DCAF7: variants seen among roughly 807,000 people sequenced by gnomAD.
DCAF7 encodes DDB1 and CUL4 associated factor 7.
In DCAF7, 4 loss-of-function variants were observed where a neutral mutation model predicts 41.2. The observed-to-expected ratio is 0.10, with a 90% CI of 0.05 to 0.22. The LOEUF (loss-of-function observed/expected upper bound fraction) is 0.22. Ranked by LOEUF, DCAF7 falls within the 10% of genes least tolerant of loss-of-function variation. DCAF7 has a pLI of 1.00. For missense variants in DCAF7, 131 were observed against 443.2 expected (o/e 0.30, Z 6.32); for synonymous variants, 143 against 164.2 (o/e 0.87, Z 0.99).
intron 4 of DCAF7, among the ~76,000 whole-genome samples, chr17:63,581,275 G>A (rs1230298498): frequency 6.6e-6 from 1 of 152,202 alleles, no homozygotes; most frequent in Non-Finnish European, 1.5e-5. Context: ...GCTGTTGTCT[G>A]TTAGGTCCAA....
intron 1 of DCAF7, among the ~76,000 whole-genome samples, chr17:63,551,698 C>G (rs1048390398): frequency 6.6e-6 from 1 of 151,798 alleles, no homozygotes; most frequent in Non-Finnish European, 1.5e-5. Flanking sequence ...AAAGCTGTGG[C>G]TAGTGATATT....
chr17:63,555,348 A>C (rs1019874224), intron 1 of DCAF7, among the ~76,000 whole-genome samples: 1 of 152,154 alleles, frequency 6.6e-6, no homozygotes, highest in Non-Finnish European at 1.5e-5. Flanking sequence ...TTTTTGGAGA[A>C]TCCTAGTAGT....
chr17:63,581,012 G>A (rs1164492911), intron 4 of DCAF7, among the ~76,000 whole-genome samples: 2 of 152,122 alleles, frequency 1.3e-5, no homozygotes, highest in Non-Finnish European at 2.9e-5. Flanking sequence ...CTTGATCTTA[G>A]GTCAGAAACT....
chr17:63,582,449 T>TCTCTTCGTCC (rs1310232111), intron 4 of DCAF7, among the ~76,000 whole-genome samples: 10 of 151,922 alleles, frequency 6.6e-5, no homozygotes, highest in Admixed American at 5.2e-4. Flanking sequence ...TCTCTGGCTC[T>TCTCTTCGTCC]CTCTTCGTCC....
Position 63,589,254 on chromosome 17 carries a change from T to G in DCAF7, c.*82T>G. ...ACCCCCAAAGTAAGAAGAAACATGTTTCCAGTGGCCAGTATGTCTTTCATT... is the reference window on the plus strand; with the variant it reads ...ACCCCCAAAGTAAGAAGAAACATGTGTCCAGTGGCCAGTATGTCTTTCATT... On this transcript the variant is annotated 3_prime_UTR_variant, in exon 7 of 7. Coordinates refer to ENST00000614556, the MANE Select transcript of DCAF7 (RefSeq NM_005828.5). 1 of 1,557,122 alleles carries G rather than the reference T, an allele frequency of 6.4e-7. No individual in the cohort carries two copies. Among genetic ancestry groups the G allele is most frequent in the Non-Finnish European group, 8.8e-7 (1 of 1,140,104 alleles).
At position 63,589,279 on chromosome 17, in the gene DCAF7, T is replaced by G. The variant is rs922952271; in HGVS notation, c.*107T>G. On this transcript the variant is annotated 3_prime_UTR_variant, in exon 7 of 7. Coordinates refer to ENST00000614556, the MANE Select transcript of DCAF7 (RefSeq NM_005828.5). ...TTCCAGTGGCCAGTATGTCTTTCAT[T>G]GCTTTGCACCCACTGTTACCAGAAG... is the stretch of plus-strand genomic sequence containing the variant. The G allele has an allele frequency of 1.3e-5, 19 of 1,444,036 alleles. No homozygotes were observed. Among genetic ancestry groups the G allele is most frequent in the Non-Finnish European group, 1.8e-5 (19 of 1,047,638 alleles). The allele number at this position is 1,444,036 out of a possible 1,614,324, so 89.5% of individuals were successfully genotyped here. A position where few individuals can be genotyped will look rare whatever the true frequency, so the allele number is the denominator to read the frequency against.
chr17:63,568,221 G>A (rs1028310900), intron 1 of DCAF7, among the ~76,000 whole-genome samples: 3 of 151,848 alleles, frequency 2.0e-5, no homozygotes, highest in South Asian at 4.2e-4. Context: ...GGCTGGCCTC[G>A]AACTCCTGAC....
intron 1 of DCAF7, among the ~76,000 whole-genome samples, chr17:63,559,399 GTATATA>G (rs10637228): frequency 5.7e-5 from 5 of 88,100 alleles, no homozygotes; most frequent in Admixed American, 1.3e-4. Context: ...ATATATATAT[GTATATA>G]TATGTATATA....
intron 1 of DCAF7, among the ~76,000 whole-genome samples, chr17:63,558,003 G>A (rs1007799691): frequency 6.6e-6 from 1 of 151,924 alleles, no homozygotes; most frequent in Non-Finnish European, 1.5e-5. Context: ...TTAATCGATT[G>A]TCCCACCTCT....
At chr17:63,580,737 C>G (rs924809575) in intron 4 of DCAF7, among the ~76,000 whole-genome samples, 9 of 151,972 alleles carry the variant, frequency 5.9e-5, no homozygotes, top group Admixed American at 3.9e-4. Flanking sequence ...CCAGGATTGT[C>G]TCGAACTCTC....
intron 1 of DCAF7, chr17:63,552,217 G>A (rs1196097557): frequency 6.6e-6 from 1 of 152,184 alleles, no homozygotes; most frequent in Non-Finnish European, 1.5e-5. Flanking sequence ...CAGTTTGTAC[G>A]GAAGGGGTTC....
intron 1 of DCAF7, among the ~76,000 whole-genome samples, chr17:63,556,991 G>A (rs553378235): frequency 1.3e-5 from 2 of 152,138 alleles, no homozygotes; most frequent in African/African-American, 2.4e-5. Flanking sequence ...TCTTGCCACT[G>A]AACTCCCGCT....
In DCAF7 at chr17:63,589,409, T is replaced by C. The variant is rs1049098703; in HGVS notation, c.*237T>C. The C allele has an allele frequency of 8.5e-6, 5 of 590,452 alleles. No homozygotes were observed. The highest frequency in any genetic ancestry group is 1.5e-5 in the Non-Finnish European group (5 of 325,208). The allele number at this position is 590,452 out of a possible 1,614,324, so 36.6% of individuals were successfully genotyped here. The stretch of plus-strand genomic sequence containing the variant: ...GGCTGAGTTTTAAGATTTTCTCTCC[T>C]TTCCTCTTCTCCTTTGGTTCCTCAA... On this transcript the variant is annotated 3_prime_UTR_variant, in exon 7 of 7. Transcript: ENST00000614556.
At position 63,550,498 on chromosome 17, in the gene DCAF7, T is replaced by G; in HGVS notation, c.-180T>G. 9.8e-7 allele frequency: 1 copy of G among 1,024,774 alleles called. No individual in the cohort carries two copies. Among genetic ancestry groups the G allele is most frequent in the Non-Finnish European group, 1.4e-6 (1 of 737,072 alleles). 63.5% of individuals were successfully genotyped at this position (1,024,774 alleles called of 1,614,324 possible). ...GGTTGTCGTCCGTTCCCAAGCTGGT[T>G]TGAAACTAGGGGTCGGGCTCGGCCG... On this transcript the variant is annotated 5_prime_UTR_variant, in exon 1 of 7. Transcript: ENST00000614556. The surrounding 1 kb of genome is among the most constrained non-coding windows in gnomAD (Gnocchi z 4.8).
intron 1 of DCAF7, chr17:63,552,578 A>G: frequency 6.6e-6 from 1 of 152,250 alleles, no homozygotes; most frequent in Non-Finnish European, 1.5e-5. Flanking sequence ...TAAGACCACT[A>G]GAACTATTGT....
rs2033737848 is a variant in DCAF7, at chr17:63,591,977, C to T, written c.*2805C>T. The stretch of plus-strand genomic sequence containing the variant: ...GAATAAATTAGGCCTCAGGCCTCTA[C>T]CACCAGAGAGCTGGAGAATGGGTCC... On this transcript the variant is annotated 3_prime_UTR_variant, in exon 7 of 7. Transcript: ENST00000614556. 6.6e-6 allele frequency: 1 copy of T among 152,344 alleles called. No individual in the cohort carries two copies. Among genetic ancestry groups the T allele is most frequent in the Admixed American group, 6.5e-5 (1 of 15,280 alleles). The allele number at this position is 152,344 out of a possible 1,614,324, so 9.4% of individuals were successfully genotyped here.
chr17:63,565,404 G>A (rs373633420), intron 1 of DCAF7, among the ~76,000 whole-genome samples: 38 of 152,042 alleles, frequency 2.5e-4, no homozygotes, highest in African/African-American at 8.4e-4. Flanking sequence ...GAGAAACCCC[G>A]TCTCTACTAA....
chr17:63,593,429 T>C lies in DCAF7; in HGVS notation c.*4257T>C, dbSNP rs1398286034. The stretch of plus-strand genomic sequence containing the variant: ...CTTTCTGGATGTCATTTTTAAAATA[T>C]GGAAACATGCAGGTGCCTTCCCAAA... On this transcript the variant is annotated 3_prime_UTR_variant, in exon 7 of 7. Coordinates refer to ENST00000614556, the MANE Select transcript of DCAF7 (RefSeq NM_005828.5). 6.5e-6 allele frequency: 1 copy of C among 152,688 alleles called. No homozygotes were observed. Among genetic ancestry groups the C allele is most frequent in the South Asian group, 2.1e-4 (1 of 4,838 alleles). 9.5% of individuals were successfully genotyped at this position (152,688 alleles called of 1,614,324 possible). A position where few individuals can be genotyped will look rare whatever the true frequency, so the allele number is the denominator to read the frequency against.
At position 63,550,479 on chromosome 17, in the gene DCAF7, C is replaced by G. The variant is rs970176269; in HGVS notation, c.-199C>G. 2 of 837,298 alleles carry G rather than the reference C, an allele frequency of 2.4e-6. No homozygotes were observed. Among genetic ancestry groups the G allele is most frequent in the African/African-American group, 1.7e-5 (1 of 58,164 alleles). 51.9% of individuals were successfully genotyped at this position (837,298 alleles called of 1,614,324 possible). On this transcript the variant is annotated 5_prime_UTR_variant, in exon 1 of 7. Transcript: ENST00000614556. This position sits in a 1 kb window ranked among gnomAD's most constrained non-coding sequence, Gnocchi z 4.8. ...GCGTCCCAAAACGGAAGGTGGTTGTCGTCCGTTCCCAAGCTGGTTTGAAAC... is the reference window on the plus strand; with the variant it reads ...GCGTCCCAAAACGGAAGGTGGTTGTGGTCCGTTCCCAAGCTGGTTTGAAAC...
Sources: allele counts gnomAD v4.1 joint callset (sites outside exome capture counted in the v4.1 genomes callset), GRCh38; gene constraint gnomAD v4.1.1; non-coding constraint Gnocchi (gnomAD v3.1); transcripts MANE v1.5; gene names NCBI Gene and HGNC (gene_info 2026-07-23, HGNC 2026-07-21).